Variants in GPR161 observed in about 807,000 individuals in gnomAD.
The protein encoded by GPR161 is G protein-coupled receptor 161.
A neutral mutation model predicts 39.2 loss-of-function variants in GPR161; 25 were observed. The observed-to-expected ratio is 0.64, with a 90% confidence interval of 0.47 to 0.89. The LOEUF is 0.89. GPR161 is among the 40% of genes least tolerant of loss of function. The probability of loss-of-function intolerance (pLI) is 0.00; values close to 1 mark genes in which losing one functional copy is unlikely to be tolerated. For missense variants in GPR161, 547 were observed against 677.8 expected (o/e 0.81, Z 2.14); for synonymous variants, 286 against 276.6 (o/e 1.03, Z -0.34).
intron 2 of GPR161, among the ~76,000 whole-genome samples, chr1:168,101,323 G>A (rs796823182): frequency 3.3e-5 from 5 of 152,252 alleles, no homozygotes; most frequent in South Asian, 2.1e-4. Flanking sequence ...ACGTGGCAAC[G>A]TCTATAGACA....
chr1:168,134,631 G>T (rs977873309), intron 1 of GPR161, among the ~76,000 whole-genome samples: 1 of 152,040 alleles, frequency 6.6e-6, no homozygotes, highest in African/African-American at 2.4e-5. Context: ...CACATAATTT[G>T]GTTAAACTGC....
chr1:168,097,946 C>A (rs985656622), intron 2 of GPR161, among the ~76,000 whole-genome samples: 3 of 152,200 alleles, frequency 2.0e-5, no homozygotes, highest in Non-Finnish European at 2.9e-5. Context: ...AGTGCACACG[C>A]CCAGCAATTC....
chr1:168,114,831 CATTT>C, intron 1 of GPR161, among the ~76,000 whole-genome samples: 1 of 152,272 alleles, frequency 6.6e-6, no homozygotes, highest in Middle Eastern at 3.4e-3. Flanking sequence ...AATGACCCTT[CATTT>C]ATTTCTGGCC....
intron 1 of GPR161, among the ~76,000 whole-genome samples, chr1:168,119,435 T>C (rs770797057): frequency 7.9e-5 from 12 of 151,542 alleles, no homozygotes; most frequent in Non-Finnish European, 1.5e-4. Flanking sequence ...TGATTCTACT[T>C]ACATGAGGTA....
At chr1:168,104,384 A>T in intron 2 of GPR161, 93 bp downstream of exon 2, 1 of 1,042,442 alleles carries the variant, frequency 9.6e-7, no homozygotes, top group Non-Finnish European at 1.4e-6. Context: ...GGCCCCTGAC[A>T]CTCTCCAGGG....
chr1:168,087,998 G>A, intron 4 of GPR161: 2 of 288,318 alleles, frequency 6.9e-6, no homozygotes, highest in Non-Finnish European at 1.3e-5. Flanking sequence ...GCATCTGCCG[G>A]CCCAGCATGG....
chr1:168,116,240 A>G (rs1450421420), intron 1 of GPR161, among the ~76,000 whole-genome samples: 2 of 152,228 alleles, frequency 1.3e-5, no homozygotes, highest in African/African-American at 4.8e-5. Flanking sequence ...AGAGCTGACC[A>G]GCCTGCAGCA....
chr1:168,131,143 C>A (rs1230624908), intron 1 of GPR161, among the ~76,000 whole-genome samples: 2 of 152,186 alleles, frequency 1.3e-5, no homozygotes, highest in Admixed American at 6.5e-5. Context: ...ACTACCCCAG[C>A]TCAGAGCCTC....
intron 1 of GPR161, among the ~76,000 whole-genome samples, chr1:168,123,868 G>A (rs1698395905): frequency 1.3e-5 from 2 of 152,198 alleles, no homozygotes; most frequent in Non-Finnish European, 2.9e-5. Context: ...TGACGCTGAA[G>A]CAGCCCAAGC....
At chr1:168,112,404 C>T (rs1327825507) in intron 1 of GPR161, among the ~76,000 whole-genome samples, 11 of 140,596 alleles carry the variant, frequency 7.8e-5, no homozygotes, top group Non-Finnish European at 1.7e-4. Flanking sequence ...GGCGTGAACC[C>T]GGGAGGCGGA....
At chr1:168,109,621 A>AT (rs1256967641) in intron 1 of GPR161, among the ~76,000 whole-genome samples, 1 of 152,180 alleles carries the variant, frequency 6.6e-6, no homozygotes, top group Admixed American at 6.5e-5. Context: ...GGGTACCAAC[A>AT]TTTTTTTCCA....
At chr1:168,086,540 C>T (rs1328684296) in intron 5 of GPR161, among the ~76,000 whole-genome samples, 1 of 152,218 alleles carries the variant, frequency 6.6e-6, no homozygotes, top group Non-Finnish European at 1.5e-5. Flanking sequence ...ACTCTCTGCC[C>T]TGCCACTCAC....
intron 1 of GPR161, among the ~76,000 whole-genome samples, chr1:168,116,545 ACT>A (rs1418859322): frequency 6.6e-6 from 1 of 152,174 alleles, no homozygotes; most frequent in African/African-American, 2.4e-5. Flanking sequence ...AGGGAACCCT[ACT>A]CTCATTCCAA....
intron 1 of GPR161, among the ~76,000 whole-genome samples, chr1:168,108,525 GAGAA>G (rs1402760301): frequency 2.4e-5 from 1 of 41,282 alleles, no homozygotes; most frequent in African/African-American, 8.7e-5. Flanking sequence ...GGAAATAAGT[GAGAA>G]AGAAGTTGAA....
At position 168,096,676 on chromosome 1, in the gene GPR161, A is replaced by G; in HGVS notation, c.931T>C (p.Trp311Arg). The G allele has an allele frequency of 6.2e-7, 1 of 1,614,124 alleles. No homozygotes were observed. The highest frequency in any genetic ancestry group is 8.5e-7 in the Non-Finnish European group (1 of 1,180,000). ...VSPSLETWATWLSFASAVCHP... is the reference protein window; with the variant it reads ...VSPSLETWATRLSFASAVCHP... ...CAGACAGCGCTGGCAAAGGACAGCC[A>G]TGTGGCCCAAGTCTCCAGGCTCGGG... The change falls in exon 3 of 6, where the codon TGG (tryptophan) becomes CGG (arginine). Residue 311 changes from tryptophan to arginine, a missense_variant. Trp to Arg is a moderately radical substitution (Grantham distance 101). Transcript: ENST00000682931.
intron 1 of GPR161, among the ~76,000 whole-genome samples, chr1:168,106,327 C>T (rs573804233): frequency 2.2e-4 from 33 of 152,196 alleles, no homozygotes; most frequent in Non-Finnish European, 4.7e-4. Context: ...TGGCTCACAC[C>T]GGTAATCCCA....
At chr1:168,132,030 C>G (rs1441164800) in intron 1 of GPR161, among the ~76,000 whole-genome samples, 3 of 152,138 alleles carry the variant, frequency 2.0e-5, no homozygotes. Context: ...TTTGGGAGGC[C>G]GAGGTGGGCA....
At chr1:168,090,125 C>T (rs111435937) in intron 4 of GPR161, among the ~76,000 whole-genome samples, 322 of 152,268 alleles carry the variant, frequency 2.1e-3, no homozygotes, top group African/African-American at 7.4e-3. Flanking sequence ...CCCCATTTCA[C>T]AGATGGGGAA....
intron 3 of GPR161, among the ~76,000 whole-genome samples, chr1:168,092,529 G>A (rs1695161618): frequency 6.6e-6 from 1 of 152,114 alleles, no homozygotes; most frequent in African/African-American, 2.4e-5. Context: ...TATTTACTGG[G>A]CTGAGCACAA....
Sources: gnomAD v4.1 joint callset for allele counts (sites outside exome capture counted in the v4.1 genomes callset) on GRCh38, gnomAD v4.1.1 for gene constraint, MANE v1.5 for transcripts, NCBI Gene and HGNC (gene_info 2026-07-23, HGNC 2026-07-21) for gene names.